The following GSK3B variants were observed in gnomAD, a reference collection of about 807,000 sequenced individuals.
GSK3B encodes the protein glycogen synthase kinase-3 beta.
GSK3B carries 15 observed loss-of-function variants against 56.4 expected under a neutral mutation model. The observed-to-expected ratio is 0.27, with a 90% CI of 0.18 to 0.41. The LOEUF (loss-of-function observed/expected upper bound fraction) is 0.41. Ranked by LOEUF, GSK3B falls within the 10% of genes least tolerant of loss-of-function variation. The pLI is 1.00. For missense variants in GSK3B, 300 were observed against 513.4 expected, an observed-to-expected ratio of 0.58 and a Z score of 4.02; for synonymous variants, 181 against 188.9, an observed-to-expected ratio of 0.96 and a Z score of 0.34.
At chr3:120,039,374 C>T (rs1200449736) in intron 1 of GSK3B, among the ~76,000 whole-genome samples, 1 of 152,220 alleles carries the variant, frequency 6.6e-6, no homozygotes, top group Admixed American at 6.5e-5. Context: ...AAACTTATGT[C>T]TGTAAGATAC....
At chr3:119,883,961 G>C (rs2056407192) in intron 7 of GSK3B, among the ~76,000 whole-genome samples, 2 of 152,124 alleles carry the variant, frequency 1.3e-5, no homozygotes, top group South Asian at 4.1e-4. Context: ...GTGAACATTA[G>C]ATATATTACT....
chr3:119,915,143 GTA>G (rs1280097240), intron 5 of GSK3B, among the ~76,000 whole-genome samples: 1 of 151,952 alleles, frequency 6.6e-6, no homozygotes, highest in Non-Finnish European at 1.5e-5. Flanking sequence ...GAATAAAGTT[GTA>G]TTACAAATTC....
intron 6 of GSK3B, among the ~76,000 whole-genome samples, chr3:119,912,395 G>A (rs1010539363): frequency 2.0e-5 from 3 of 151,878 alleles, no homozygotes; most frequent in African/African-American, 7.3e-5. Context: ...TTACCAAAAT[G>A]TGACACAAAG....
chr3:120,027,274 G>A (rs2057936383), intron 1 of GSK3B, among the ~76,000 whole-genome samples: 1 of 151,644 alleles, frequency 6.6e-6, no homozygotes, highest in Non-Finnish European at 1.5e-5. Flanking sequence ...CTACTCAGGA[G>A]GCTGAGGCAG....
At chr3:119,937,391 G>A (rs947159824) in intron 3 of GSK3B, among the ~76,000 whole-genome samples, 7 of 152,026 alleles carry the variant, frequency 4.6e-5, no homozygotes, top group East Asian at 3.8e-4. Flanking sequence ...ATCTGGCCAC[G>A]TAACCACTGC....
intron 7 of GSK3B, among the ~76,000 whole-genome samples, chr3:119,894,325 T>C (rs757581414): frequency 9.2e-5 from 14 of 152,108 alleles, no homozygotes; most frequent in Non-Finnish European, 1.8e-4. Flanking sequence ...GTTTAATAGT[T>C]TGAGGAAGTG....
At chr3:119,943,851 G>T (rs191832728) in intron 3 of GSK3B, among the ~76,000 whole-genome samples, 34 of 150,926 alleles carry the variant, frequency 2.3e-4, no homozygotes, top group African/African-American at 7.0e-4. Context: ...GGAGGGAAAA[G>T]AAATCCAAAA....
In GSK3B at chr3:119,912,754, T is replaced by C; in HGVS notation, c.665A>G (p.Tyr222Cys). ...TCCAAAGATCAACTCTGGTGCCCTA[T>C]AGTACCGAGAACAGATATACGAAAC... ...PNVSYICSRYYRAPELIFGAT... is the reference protein window; with the variant it reads ...PNVSYICSRYCRAPELIFGAT... Residue 222 changes from tyrosine to cysteine, a missense_variant, in exon 6 of 11, where the codon TAT becomes TGT. Around this residue, in one of 6 missense-constraint regions of GSK3B, gnomAD observed 39 missense variants for 154.6 expected, o/e 0.25. Transcript: ENST00000264235. The C allele has an allele frequency of 6.2e-7, 1 of 1,603,206 alleles. No homozygotes were observed. The highest frequency in any genetic ancestry group is 8.5e-7 in the Non-Finnish European group (1 of 1,171,184).
At chr3:119,972,830 G>A (rs1467804932) in intron 2 of GSK3B, among the ~76,000 whole-genome samples, 3 of 152,026 alleles carry the variant, frequency 2.0e-5, no homozygotes. Context: ...GCTTTCAATT[G>A]TTTTGTACCA....
At chr3:119,877,517 C>T (rs766383821) in intron 7 of GSK3B, among the ~76,000 whole-genome samples, 3 of 151,984 alleles carry the variant, frequency 2.0e-5, no homozygotes, top group Admixed American at 6.6e-5. Context: ...GATCTGCAGT[C>T]GGTTGATTCT....
chr3:119,959,687 T>G (rs1282294952), intron 2 of GSK3B, among the ~76,000 whole-genome samples: 1 of 151,810 alleles, frequency 6.6e-6, no homozygotes, highest in Non-Finnish European at 1.5e-5. Flanking sequence ...GCTAATTTTT[T>G]TGTATTTTTA....
At chr3:119,877,600 C>A (rs1030697481) in intron 7 of GSK3B, among the ~76,000 whole-genome samples, 7 of 152,036 alleles carry the variant, frequency 4.6e-5, no homozygotes, top group Non-Finnish European at 1.0e-4. Context: ...ATTTTAAAAC[C>A]GTCAACAATT....
chr3:120,079,335 C>T (rs1352494240), intron 1 of GSK3B, among the ~76,000 whole-genome samples: 1 of 144,602 alleles, frequency 6.9e-6, no homozygotes, highest in Admixed American at 6.9e-5. Context: ...CACACACACA[C>T]ACACACACAC....
chr3:120,065,206 T>C (rs959229006), intron 1 of GSK3B, among the ~76,000 whole-genome samples: 5 of 152,112 alleles, frequency 3.3e-5, no homozygotes, highest in South Asian at 2.1e-4. Flanking sequence ...AATGGAGAAG[T>C]TATAATATCT....
intron 5 of GSK3B, among the ~76,000 whole-genome samples, chr3:119,913,918 A>C (rs909112077): frequency 1.3e-5 from 2 of 152,130 alleles, no homozygotes; most frequent in Non-Finnish European, 2.9e-5. Context: ...TATGACATTT[A>C]GTTTTCAGCA....
chr3:119,909,150 C>T (rs1000156496), intron 6 of GSK3B, among the ~76,000 whole-genome samples: 11 of 152,084 alleles, frequency 7.2e-5, no homozygotes, highest in Non-Finnish European at 1.3e-4. Context: ...TCCCAAGTAG[C>T]GGGGACTACA....
chr3:120,059,131 A>G (rs1411038590), intron 1 of GSK3B, among the ~76,000 whole-genome samples: 1 of 152,164 alleles, frequency 6.6e-6, no homozygotes, highest in Non-Finnish European at 1.5e-5. Context: ...ATATTAAATT[A>G]TGTTCTGATT....
At chr3:119,902,114 A>T (rs934343616) in intron 7 of GSK3B, among the ~76,000 whole-genome samples, 1 of 152,180 alleles carries the variant, frequency 6.6e-6, no homozygotes, top group Admixed American at 6.5e-5. Flanking sequence ...CTTTAAGAAA[A>T]TTTCAAATCT....
intron 2 of GSK3B, among the ~76,000 whole-genome samples, chr3:119,970,613 T>TAAAAAAA (rs1170925404): frequency 8.8e-6 from 1 of 114,250 alleles, no homozygotes; most frequent in Non-Finnish European, 1.8e-5. Flanking sequence ...CTACTAAAAT[T>TAAAAAAA]AAAAAAAAAA....
Sources: allele counts gnomAD v4.1 joint callset (sites outside exome capture counted in the v4.1 genomes callset), GRCh38; gene constraint gnomAD v4.1.1; regional missense constraint gnomAD v4.1.1; transcripts MANE v1.5; gene names NCBI Gene and HGNC (gene_info 2026-07-23, HGNC 2026-07-21).